Variants in TRIM36 observed in about 807,000 individuals in gnomAD.
The protein encoded by TRIM36 is E3 ubiquitin-protein ligase TRIM36.
A neutral mutation model predicts 72.4 loss-of-function variants in TRIM36; 42 were observed. The ratio of observed to expected loss-of-function variants is 0.58; its 90% CI spans 0.45 to 0.75. The LOEUF (loss-of-function observed/expected upper bound fraction) is 0.75. Ranked by LOEUF, TRIM36 falls within the 30% of genes least tolerant of loss-of-function variation. TRIM36 has a pLI of 0.00. For missense variants in TRIM36, 913 were observed against 857.1 expected, an observed-to-expected ratio of 1.07 and a Z score of -0.81; for synonymous variants, 315 against 282.8, an observed-to-expected ratio of 1.11 and a Z score of -1.14.
At chr5:115,152,061 T>C (rs1331303974) in intron 2 of TRIM36, among the ~76,000 whole-genome samples, 1 of 152,118 alleles carries the variant, frequency 6.6e-6, no homozygotes, top group East Asian at 1.9e-4. Flanking sequence ...AGAAGGTTAC[T>C]AAGCTAATCG....
chr5:115,135,469 C>T (rs1394120752), intron 7 of TRIM36, among the ~76,000 whole-genome samples: 15 of 141,832 alleles, frequency 1.1e-4, no homozygotes, highest in African/African-American at 4.0e-4. Context: ...TTTTTTGAAA[C>T]ATAGCTTACT....
intron 2 of TRIM36, among the ~76,000 whole-genome samples, chr5:115,159,011 T>C (rs1446329018): frequency 6.6e-6 from 1 of 152,216 alleles, no homozygotes; most frequent in South Asian, 2.1e-4. Context: ...GCAGTCAATG[T>C]TATTTTTAAA....
intron 2 of TRIM36, 136 bp from the exon 3 acceptor site, chr5:115,147,530 T>C (rs1580670667): frequency 1.9e-6 from 2 of 1,066,888 alleles, no homozygotes; most frequent in East Asian, 2.5e-5. Flanking sequence ...CACGTGAAAT[T>C]TGTATTGTGA....
At chr5:115,139,343 G>A (rs1045839371) in intron 5 of TRIM36, among the ~76,000 whole-genome samples, 2 of 151,878 alleles carry the variant, frequency 1.3e-5, no homozygotes, top group East Asian at 1.9e-4. Context: ...GGCTGGTCTC[G>A]AACTCCTGAC....
Position 115,125,717 on chromosome 5 carries a change from A to G in TRIM36, c.*786T>C, listed in dbSNP as rs550891137. On this transcript the variant is annotated 3_prime_UTR_variant, in exon 10 of 10. Coordinates refer to ENST00000513154, the MANE Select transcript of TRIM36 (RefSeq NM_001300759.2). ...ACATAAGAACAAATATTTTCACAGA[A>G]TAAGAAAAACTAAAGATAAATTTCT... 2.0e-5 allele frequency: 3 copies of G among 152,270 alleles called. No homozygotes were observed. The highest frequency in any genetic ancestry group is 3.9e-4 in the East Asian group (2 of 5,188). 9.4% of individuals were successfully genotyped at this position (152,270 alleles called of 1,614,324 possible).
intron 2 of TRIM36, chr5:115,159,739 A>T: frequency 2.3e-6 from 1 of 434,886 alleles, no homozygotes. Context: ...ACTTGTTAAC[A>T]AAAGAGAAAG....
At chr5:115,132,891 G>A (rs1419980681) in intron 8 of TRIM36, among the ~76,000 whole-genome samples, 2 of 152,108 alleles carry the variant, frequency 1.3e-5, no homozygotes, top group Non-Finnish European at 2.9e-5. Context: ...CTTAATACCT[G>A]CAAATTCATC....
rs1371799881 is a variant in TRIM36 at position 115,130,771 on chromosome 5, G to A, written c.1617C>T (p.Arg539=). ...AGFNLLLAAE[R]IQVGYYTSLD... ...AGCTTGTGTAATAACCCACTTGGAT[G>A]CGTTCTGCAGCAAGCAGAAGATTAA... The change falls in exon 9 of 10, where the codon CGC becomes CGT. Residue 539 remains arginine, a synonymous_variant. Transcript: ENST00000513154. 6.2e-7 allele frequency: 1 copy of A among 1,614,142 alleles called. No individual in the cohort carries two copies. The highest frequency in any genetic ancestry group is 2.2e-5 in the East Asian group (1 of 44,872).
At chr5:115,162,956 T>C (rs1754560923) in intron 2 of TRIM36, among the ~76,000 whole-genome samples, 3 of 150,518 alleles carry the variant, frequency 2.0e-5, no homozygotes, top group East Asian at 3.9e-4. Flanking sequence ...AAGACAAACA[T>C]AGCTTTTTTT....
chr5:115,137,141 T>C lies in TRIM36; in HGVS notation c.1086-17A>G, dbSNP rs1214775373. ...TTCTGTATTCTGCAGACAGATATTT[T>C]ATATAAAAATGTTTCTTTAAGAAGT... On this transcript the variant is annotated splice_polypyrimidine_tract_variant and intron_variant, in intron 6 of 9. Coordinates refer to ENST00000513154, the MANE Select transcript of TRIM36 (RefSeq NM_001300759.2). The C allele has an allele frequency of 6.4e-7, 1 of 1,556,496 alleles. No individual in the cohort carries two copies. The highest frequency in any genetic ancestry group is 2.2e-4 in the Middle Eastern group (1 of 4,612).
intron 1 of TRIM36, among the ~76,000 whole-genome samples, chr5:115,178,242 G>A (rs1013418509): frequency 2.6e-5 from 4 of 152,182 alleles, no homozygotes; most frequent in African/African-American, 7.2e-5. Flanking sequence ...GAGCGCCATA[G>A]GACAAAATTC....
chr5:115,147,323 G>A lies in TRIM36; in HGVS notation c.334C>T (p.Leu112Phe). 1 of 1,614,168 alleles carries A rather than the reference G, an allele frequency of 6.2e-7. No individual in the cohort carries two copies. Among genetic ancestry groups the A allele is most frequent in the Non-Finnish European group, 8.5e-7 (1 of 1,180,026 alleles). Reference protein sequence around the residue: ...PCPGCEHDVDLGERGINGLFR... With the variant: ...PCPGCEHDVDFGERGINGLFR... ...AGACCATTGATTCCTCGTTCTCCAA[G>A]ATCCACATCATGCTCACAGCCAGGG... Residue 112 changes from leucine (L) to phenylalanine (F), a missense_variant, in exon 3 of 10, where the codon CTT becomes TTT. Transcript: ENST00000513154.
chr5:115,148,086 G>C lies in TRIM36; in HGVS notation c.263-692C>G, dbSNP rs142513821. On this transcript the variant is annotated intron_variant, in intron 2 of 9. Transcript: ENST00000513154. ...AGTTAATTGAGTGCAATCTATAGAA[G>C]AGTGAAAAATTCATTCATAGACCTA... 1.4e-4 allele frequency among the ~76,000 whole-genome samples: 21 copies of C among 152,254 alleles called. 1 individual carries two copies. In the East Asian group the frequency reaches 4.0e-3, roughly 29 times the overall value.
At position 115,169,614 on chromosome 5, in the gene TRIM36, A is replaced by ATC; in HGVS notation, c.19_20dup (p.Asp7GlufsTer27). On this transcript the variant is annotated frameshift_variant, in exon 1 of 10. Coordinates refer to ENST00000513154, the MANE Select transcript of TRIM36 (RefSeq NM_001300759.2). LOFTEE classifies it high-confidence loss of function. ...CGGTCCCCTCCGCACTCACCGGCGA[A>ATC]TCTGAGCCATCGCCCTCCATGGCTG... 2.0e-6 allele frequency: 3 copies of ATC among 1,522,706 alleles called. No individual in the cohort carries two copies. The highest frequency in any genetic ancestry group is 2.6e-6 in the Non-Finnish European group (3 of 1,140,978). The allele number at this position is 1,522,706 out of a possible 1,614,324, so 94.3% of individuals were successfully genotyped here.
intron 1 of TRIM36, among the ~76,000 whole-genome samples, chr5:115,178,245 C>T (rs1561454770): frequency 6.6e-6 from 1 of 152,320 alleles, no homozygotes; most frequent in East Asian, 1.9e-4. Context: ...CGCCATAGGA[C>T]AAAATTCACC....
chr5:115,171,741 C>A (rs534651151), upstream of TRIM36, among the ~76,000 whole-genome samples: 1 of 152,194 alleles, frequency 6.6e-6, no homozygotes, highest in Non-Finnish European at 1.5e-5. Context: ...ACTGAGCTAT[C>A]ATTTTCTACC....
intron 2 of TRIM36, among the ~76,000 whole-genome samples, chr5:115,162,449 C>A (rs1174658537): frequency 1.3e-5 from 2 of 152,150 alleles, no homozygotes; most frequent in African/African-American, 4.8e-5. Flanking sequence ...TACAGAGTAC[C>A]ATGTCAGGTA....
rs139015715 is a variant in TRIM36 at position 115,147,285 on chromosome 5, G to C, written c.372C>G (p.Phe124Leu). 2.1e-4 allele frequency: 335 copies of C among 1,614,144 alleles called. 2 individuals are homozygous for C. In the African/African-American group the frequency reaches 4.0e-3, roughly 19 times the overall value. The change falls in exon 3 of 10, where the codon TTC (phenylalanine) becomes TTG (leucine). Residue 124 changes from phenylalanine to leucine, a missense_variant. Phe to Leu is a conservative substitution (Grantham distance 22, BLOSUM62 0). Coordinates refer to ENST00000513154, the MANE Select transcript of TRIM36 (RefSeq NM_001300759.2). ...ERGINGLFRN[F>L]TLETIVERYR... is the part of the protein sequence containing the mutation. The stretch of plus-strand genomic sequence containing the variant: ...ATCTTTCCACAATAGTTTCCAAAGT[G>C]AAGTTTCGAAACAGACCATTGATTC...
intron 7 of TRIM36, among the ~76,000 whole-genome samples, chr5:115,135,765 A>C (rs1278370001): frequency 5.3e-5 from 8 of 152,208 alleles, no homozygotes; most frequent in Admixed American, 5.2e-4. Flanking sequence ...TCAGCATTTT[A>C]AGTGATGACA....
Sources: allele counts gnomAD v4.1 joint callset (sites outside exome capture counted in the v4.1 genomes callset), GRCh38; gene constraint gnomAD v4.1.1; transcripts MANE v1.5; gene names NCBI Gene and HGNC (gene_info 2026-07-23, HGNC 2026-07-21).